The following DNAH2 variants were observed in gnomAD, a reference collection of about 807,000 sequenced individuals.
The protein encoded by DNAH2 is axonemal beta dynein heavy chain 2.
A neutral mutation model predicts 523.5 loss-of-function variants in DNAH2; 323 were observed. The ratio of observed to expected loss-of-function variants is 0.62; its 90% CI spans 0.56 to 0.68. DNAH2 has a LOEUF of 0.68. Ranked by LOEUF, DNAH2 falls within the 30% of genes least tolerant of loss-of-function variation. The pLI is 0.00. For missense variants in DNAH2, 4,907 were observed against 5,701.5 expected, an observed-to-expected ratio of 0.86 and a Z score of 4.49; for synonymous variants, 2,093 against 2,177.4, an observed-to-expected ratio of 0.96 and a Z score of 1.08.
chr17:7,739,966 C>A, intron 9 of DNAH2, 28 bp downstream of exon 9: 2 of 1,604,436 alleles, frequency 1.2e-6, no homozygotes, highest in South Asian at 1.1e-5. Context: ...TGATGCCAGG[C>A]GTGGGCAGGG....
chr17:7,760,901 C>T lies in DNAH2; in HGVS notation c.2947C>T (p.Pro983Ser), dbSNP rs1390139875. 1.2e-6 allele frequency: 2 copies of T among 1,614,064 alleles called. No individual in the cohort carries two copies. The highest frequency in any genetic ancestry group is 1.1e-5 in the South Asian group (1 of 91,080). Residue 983 changes from proline (P) to serine (S), a missense_variant, in exon 18 of 86, where the codon CCT becomes TCT. By Grantham distance (74) the Pro-to-Ser change is moderately conservative. Around this residue, in one of 3 missense-constraint regions of DNAH2, gnomAD observed 2,806 missense variants for 3,190.8 expected, o/e 0.88. Transcript: ENST00000572933. This position sits in a 1 kb window ranked among gnomAD's most constrained non-coding sequence, Gnocchi z 4.0. Reference sequence around the variant, plus strand: ...TCATCGCTACCAGCGCCTCAACCCTCCTGTCTCTTCTTTTGTTGCCGACAT... The same window carrying T: ...TCATCGCTACCAGCGCCTCAACCCTTCTGTCTCTTCTTTTGTTGCCGACAT... ...FIHRYQRLNP[P>S]VSSFVADIAR...
chr17:7,739,595 T>A (rs71371813), intron 8 of DNAH2, 138 bp from the exon 9 acceptor site: 1 of 843,954 alleles, frequency 1.2e-6, no homozygotes, highest in South Asian at 1.8e-5. Flanking sequence ...GGTTTTTAGA[T>A]ATTTTCTTCT....
intron 18 of DNAH2, among the ~76,000 whole-genome samples, chr17:7,762,915 C>G (rs1196677554): frequency 2.0e-5 from 3 of 151,122 alleles, no homozygotes; most frequent in African/African-American, 7.3e-5. Context: ...AAAAACCTGC[C>G]TGAGGTCATA....
At chr17:7,741,304 TCCC>T (rs1567625105) in intron 11 of DNAH2, among the ~76,000 whole-genome samples, 11 of 53,984 alleles carry the variant, frequency 2.0e-4, no homozygotes, top group South Asian at 1.1e-3. Context: ...CTTCCTTCCT[TCCC>T]TCCCTCCCTC....
chr17:7,819,513 G>C (rs1449530577), intron 72 of DNAH2, 105 bp downstream of exon 72: 4 of 1,204,926 alleles, frequency 3.3e-6, no homozygotes, highest in Non-Finnish European at 4.8e-6. Flanking sequence ...TCAGCCTGCC[G>C]CTGTCCTTGG....
Position 7,786,842 on chromosome 17 carries a change from G to A in DNAH2, c.6467-55G>A, listed in dbSNP as rs142967164. 8.4e-5 allele frequency: 136 copies of A among 1,611,400 alleles called. 1 individual carries two copies. In the Middle Eastern group the frequency reaches 1.2e-3, roughly 14 times the overall value. On this transcript the variant is annotated intron_variant, in intron 41 of 85. Transcript: ENST00000572933. This position sits in a 1 kb window ranked among gnomAD's most constrained non-coding sequence, Gnocchi z 7.5. ...GCTTGTGTCTCCGAGGAGCGTGAGCGGAGGGTGCAAGGTGAGCGGCTCCCC... is the reference window on the plus strand; with the variant it reads ...GCTTGTGTCTCCGAGGAGCGTGAGCAGAGGGTGCAAGGTGAGCGGCTCCCC...
chr17:7,808,375 A>G (rs1313984796), intron 63 of DNAH2, among the ~76,000 whole-genome samples: 2 of 152,078 alleles, frequency 1.3e-5, no homozygotes, highest in Non-Finnish European at 2.9e-5. Flanking sequence ...CTCAGAAAAA[A>G]AAAAAAAAAA....
chr17:7,758,112 G>A (rs1419196343), intron 13 of DNAH2, among the ~76,000 whole-genome samples: 1 of 152,178 alleles, frequency 6.6e-6, no homozygotes, highest in East Asian at 1.9e-4. Context: ...CCAACATGGT[G>A]GCCTCCAGCT....
chr17:7,781,687 C>T (rs981095666), intron 39 of DNAH2, among the ~76,000 whole-genome samples: 3 of 152,326 alleles, frequency 2.0e-5, no homozygotes, highest in South Asian at 2.1e-4. Context: ...CTCCCTCCTC[C>T]GCTGACCTAC....
At chr17:7,776,187 T>C (rs1396054649) in intron 31 of DNAH2, 38 bp downstream of exon 31, 39 of 1,605,062 alleles carry the variant, frequency 2.4e-5, no homozygotes, top group African/African-American at 5.4e-5. Context: ...AACAAGGGGC[T>C]GGGCACGGTG....
intron 11 of DNAH2, among the ~76,000 whole-genome samples, chr17:7,741,954 C>T (rs977852530): frequency 3.9e-5 from 6 of 151,946 alleles, no homozygotes; most frequent in African/African-American, 7.2e-5. Context: ...TGAGCCACTG[C>T]GCCCGGCCTC....
Position 7,830,725 on chromosome 17 carries a change from A to C in DNAH2, c.12113A>C (p.Tyr4038Ser). ...GAGACACCTTGGGACGCACTTAAGT[A>C]CCTCATTGCCGGCATCAACTATGGT... is the stretch of plus-strand genomic sequence containing the variant. ...YEETPWDALK[Y>S]LIAGINYGGH... The change falls in exon 79 of 86, where the codon TAC (tyrosine) becomes TCC (serine). Residue 4038 changes from tyrosine (Y) to serine (S), a missense_variant. Physicochemically the swap from Tyr to Ser is moderately radical, Grantham distance 144 (BLOSUM62 -2). Coordinates refer to ENST00000572933, the MANE Select transcript of DNAH2 (RefSeq NM_020877.5). 1 of 1,614,146 alleles carries C rather than the reference A, an allele frequency of 6.2e-7. No homozygotes were observed. The highest frequency in any genetic ancestry group is 8.5e-7 in the Non-Finnish European group (1 of 1,180,028).
intron 12 of DNAH2, among the ~76,000 whole-genome samples, chr17:7,756,707 G>T (rs1215633689): frequency 6.6e-6 from 1 of 152,086 alleles, no homozygotes; most frequent in Non-Finnish European, 1.5e-5. Flanking sequence ...TAGAGACAGG[G>T]TCTTGCTCTG....
intron 56 of DNAH2, among the ~76,000 whole-genome samples, chr17:7,800,199 C>T (rs1329023849): frequency 1.3e-5 from 2 of 152,074 alleles, no homozygotes; most frequent in Non-Finnish European, 2.9e-5. Flanking sequence ...TACAGGTGCT[C>T]GCCACCATGT....
chr17:7,815,159 C>T (rs1051353345), intron 63 of DNAH2, among the ~76,000 whole-genome samples: 3 of 152,240 alleles, frequency 2.0e-5, no homozygotes, highest in African/African-American at 7.2e-5. Flanking sequence ...TGATCTCTCC[C>T]ATTTCCAAGT....
rs780225071 is a variant in DNAH2 at position 7,807,903 on chromosome 17, C to T, written c.9729+317C>T. On this transcript the variant is annotated intron_variant, in intron 63 of 85. Transcript: ENST00000572933. This position sits in a 1 kb window ranked among gnomAD's most constrained non-coding sequence, Gnocchi z 5.6. ...CTGAGATATTAACTGATGACATCTG[C>T]GTGGCAAATTGGTCTTTGCCAGAGG... is the stretch of plus-strand genomic sequence containing the variant. Among the ~76,000 whole-genome samples, 26 of 152,198 alleles carry T rather than the reference C, an allele frequency of 1.7e-4. No individual in the cohort carries two copies. The highest frequency in any genetic ancestry group is 6.3e-4 in the African/African-American group (26 of 41,450).
At chr17:7,795,800 C>A (rs930261114) in intron 49 of DNAH2, among the ~76,000 whole-genome samples, 1 of 147,852 alleles carries the variant, frequency 6.8e-6, no homozygotes, top group African/African-American at 2.5e-5. Flanking sequence ...AGTTTGAGAT[C>A]AGCCTGACCA....
chr17:7,799,386 C>T, intron 56 of DNAH2, 144 bp downstream of exon 56: 1 of 1,226,042 alleles, frequency 8.2e-7, no homozygotes, highest in Non-Finnish European at 1.1e-6. Context: ...TTAGGCTGTG[C>T]CTGATTTCAG....
At chr17:7,823,390 C>A in intron 73 of DNAH2, 52 bp from the exon 74 acceptor site, 2 of 1,509,086 alleles carry the variant, frequency 1.3e-6, no homozygotes, top group Non-Finnish European at 9.1e-7. Flanking sequence ...GATCACTCTT[C>A]TTTTGAAGTA....
Sources: allele counts gnomAD v4.1 joint callset (sites outside exome capture counted in the v4.1 genomes callset), GRCh38; gene constraint gnomAD v4.1.1; regional missense constraint gnomAD v4.1.1; non-coding constraint Gnocchi (gnomAD v3.1); transcripts MANE v1.5; gene names NCBI Gene and HGNC (gene_info 2026-07-23, HGNC 2026-07-21).